Variants in RIT2 observed in about 807,000 individuals in gnomAD.
The protein encoded by RIT2 is Ras like without CAAX 2.
In RIT2, 24 loss-of-function variants were observed where a neutral mutation model predicts 23.7. The observed-to-expected ratio is 1.01, with a 90% CI of 0.73 to 1.43. The LOEUF is 1.43. Ranked by LOEUF, RIT2 falls within the 40% of genes most tolerant of loss-of-function variation. The probability of loss-of-function intolerance (pLI) is 0.00; values close to 1 mark genes in which losing one functional copy is unlikely to be tolerated. For synonymous variants in RIT2, 107 were observed against 91.1 expected (o/e 1.17, Z -0.99); for missense variants, 236 against 266.9 (o/e 0.88, Z 0.81).
intron 1 of RIT2, among the ~76,000 whole-genome samples, chr18:43,035,508 T>A (rs1283424462): frequency 6.6e-6 from 1 of 152,156 alleles, no homozygotes; most frequent in African/African-American, 2.4e-5. Flanking sequence ...CTCTGAACCC[T>A]CTTCTCACCT....
At chr18:42,954,771 T>C (rs2144178113) in intron 3 of RIT2, among the ~76,000 whole-genome samples, 1 of 152,244 alleles carries the variant, frequency 6.6e-6, no homozygotes, top group East Asian at 1.9e-4. Context: ...GCCCATACCG[T>C]GAATTTGTAC....
chr18:42,965,832 T>G (rs1008925532), intron 3 of RIT2, among the ~76,000 whole-genome samples: 1 of 150,074 alleles, frequency 6.7e-6, no homozygotes, highest in African/African-American at 2.5e-5. Context: ...ATATCACTGA[T>G]GTCATCAAAA....
intron 3 of RIT2, among the ~76,000 whole-genome samples, chr18:42,959,610 T>C (rs1910051730): frequency 6.6e-6 from 1 of 152,244 alleles, no homozygotes; most frequent in Admixed American, 6.5e-5. Flanking sequence ...GCTAGTATGT[T>C]ACTATTCTCC....
intron 2 of RIT2, among the ~76,000 whole-genome samples, chr18:43,033,154 T>C (rs929002547): frequency 1.3e-5 from 2 of 152,266 alleles, no homozygotes; most frequent in East Asian, 1.9e-4. Flanking sequence ...TTTAAAGTAG[T>C]TTTTTGAATG....
At chr18:42,751,361 T>G in intron 4 of RIT2, among the ~76,000 whole-genome samples, 1 of 152,022 alleles carries the variant, frequency 6.6e-6, no homozygotes, top group Non-Finnish European at 1.5e-5. Context: ...TATATAGATA[T>G]ATATATGCAT....
chr18:43,097,993 C>A (rs917659750), intron 1 of RIT2, among the ~76,000 whole-genome samples: 3 of 151,890 alleles, frequency 2.0e-5, no homozygotes, highest in African/African-American at 7.2e-5. Flanking sequence ...TAGATATTAG[C>A]TGGTGTAGCT....
Position 42,750,987 on chromosome 18 carries a change from A to G in RIT2, c.427-7267T>C, listed in dbSNP as rs146070271. Among the ~76,000 whole-genome samples, 383 of 152,008 alleles carry G rather than the reference A, an allele frequency of 2.5e-3. 1 individual carries two copies. The highest frequency in any genetic ancestry group is 0.014 in the Middle Eastern group (4 of 294). On this transcript the variant is annotated intron_variant, in intron 4 of 4. Transcript: ENST00000326695. Reference sequence around the variant, plus strand: ...ATGTTGGTCTCACTTGATTAAGGCCATCTGTAAACCTATAATTGTTCAGGC... The same window carrying G: ...ATGTTGGTCTCACTTGATTAAGGCCGTCTGTAAACCTATAATTGTTCAGGC...
intron 1 of RIT2, among the ~76,000 whole-genome samples, chr18:43,109,780 C>T (rs559560722): frequency 2.0e-5 from 3 of 152,218 alleles, no homozygotes; most frequent in African/African-American, 7.2e-5. Context: ...CACTCCCTCC[C>T]TGCTCAATGA....
At chr18:42,797,670 T>C (rs1905407935) in intron 4 of RIT2, among the ~76,000 whole-genome samples, 1 of 152,166 alleles carries the variant, frequency 6.6e-6, no homozygotes, top group East Asian at 1.9e-4. Flanking sequence ...GAAGCAGTAC[T>C]GCTTCAGAAG....
chr18:43,051,293 G>C (rs1031173606), intron 1 of RIT2, among the ~76,000 whole-genome samples: 2 of 152,132 alleles, frequency 1.3e-5, no homozygotes, highest in Non-Finnish European at 2.9e-5. Context: ...TTCAGTTAAA[G>C]GGGAGAGATT....
chr18:42,898,606 TTTGA>T (rs1279765269), intron 4 of RIT2, among the ~76,000 whole-genome samples: 1 of 150,780 alleles, frequency 6.6e-6, no homozygotes, highest in African/African-American at 2.4e-5. Flanking sequence ...ATATAATTTG[TTTGA>T]TTAATATAGA....
intron 2 of RIT2, among the ~76,000 whole-genome samples, chr18:42,998,102 ACAGGACTTTTTTGTGTTCTCTTAATAAAC>A (rs1318148943): frequency 6.6e-6 from 1 of 152,122 alleles, no homozygotes; most frequent in East Asian, 1.9e-4. Flanking sequence ...TTCTAAACAC[ACAGGACTTTTTTGTGTTCTCTTAATAAAC>A]CATGGGATGG....
intron 4 of RIT2, among the ~76,000 whole-genome samples, chr18:42,906,244 T>C (rs2144113169): frequency 6.6e-6 from 1 of 152,088 alleles, no homozygotes; most frequent in Admixed American, 6.6e-5. Context: ...TATGATTCTA[T>C]TTGCCATATG....
chr18:42,910,963 T>G (rs2144118766), intron 4 of RIT2, among the ~76,000 whole-genome samples: 1 of 152,158 alleles, frequency 6.6e-6, no homozygotes, highest in African/African-American at 2.4e-5. Context: ...TATAGAACAC[T>G]ATAACCATCT....
chr18:42,785,487 C>A (rs1281360993), intron 4 of RIT2, among the ~76,000 whole-genome samples: 1 of 151,534 alleles, frequency 6.6e-6, no homozygotes, highest in Non-Finnish European at 1.5e-5. Flanking sequence ...CTAGATTCAT[C>A]CAACTCCAGC....
chr18:42,886,651 C>T (rs968149764), intron 4 of RIT2, among the ~76,000 whole-genome samples: 3 of 152,064 alleles, frequency 2.0e-5, no homozygotes, highest in Non-Finnish European at 2.9e-5. Context: ...AGAGGATTGG[C>T]AGATTATTTT....
chr18:42,885,860 C>T (rs1355900878), intron 4 of RIT2, among the ~76,000 whole-genome samples: 2 of 152,080 alleles, frequency 1.3e-5, no homozygotes, highest in Admixed American at 6.5e-5. Context: ...GATATTAATG[C>T]TCCCATTTTT....
intron 4 of RIT2, among the ~76,000 whole-genome samples, chr18:42,914,792 T>C (rs1908862859): frequency 6.6e-6 from 1 of 152,006 alleles, no homozygotes; most frequent in Non-Finnish European, 1.5e-5. Context: ...GAAATATGAA[T>C]GAGCTTTGTG....
chr18:43,047,565 G>C (rs1439717348), intron 1 of RIT2, among the ~76,000 whole-genome samples: 1 of 151,918 alleles, frequency 6.6e-6, no homozygotes, highest in Non-Finnish European at 1.5e-5. Flanking sequence ...ACGCTTTTCA[G>C]TATTCTTAGG....
Sources: gnomAD v4.1 joint callset for allele counts (sites outside exome capture counted in the v4.1 genomes callset) on GRCh38, gnomAD v4.1.1 for gene constraint, MANE v1.5 for transcripts, NCBI Gene and HGNC (gene_info 2026-07-23, HGNC 2026-07-21) for gene names.